The following ZBTB7C variants were observed in gnomAD, a reference collection of about 807,000 sequenced individuals.
ZBTB7C encodes the protein zinc finger and BTB domain containing 7C.
A neutral mutation model predicts 25.7 loss-of-function variants in ZBTB7C; 8 were observed. The ratio of observed to expected loss-of-function variants is 0.31; its 90% CI spans 0.18 to 0.56. ZBTB7C has a LOEUF of 0.56. ZBTB7C is among the 20% of genes least tolerant of loss of function. ZBTB7C has a pLI of 0.91. For missense variants in ZBTB7C, 824 were observed against 855.2 expected, an observed-to-expected ratio of 0.96 and a Z score of 0.46; for synonymous variants, 394 against 369.0, an observed-to-expected ratio of 1.07 and a Z score of -0.78.
chr18:48,337,099 G>T (rs2046474063), intron 2 of ZBTB7C, among the ~76,000 whole-genome samples: 2 of 152,118 alleles, frequency 1.3e-5, no homozygotes, highest in African/African-American at 4.8e-5. Flanking sequence ...TATCCTTTCT[G>T]CCTAATTTAG....
At chr18:48,082,483 G>C (rs2038028071) in intron 3 of ZBTB7C, among the ~76,000 whole-genome samples, 2 of 152,186 alleles carry the variant, frequency 1.3e-5, no homozygotes, top group South Asian at 4.1e-4. Context: ...TCAAAGCAAT[G>C]CTGGAACTGC....
chr18:48,320,822 C>T (rs2046073629), intron 2 of ZBTB7C, among the ~76,000 whole-genome samples: 1 of 152,204 alleles, frequency 6.6e-6, no homozygotes, highest in Admixed American at 6.5e-5. Flanking sequence ...ATGCTCTTTC[C>T]CAACTCCTCC....
rs80137418 is a variant in ZBTB7C at position 48,196,571 on chromosome 18, G to A, written c.-78-10576C>T. Among the ~76,000 whole-genome samples, 413 of 152,230 alleles carry A rather than the reference G, an allele frequency of 2.7e-3. 1 individual carries two copies. Among genetic ancestry groups the A allele is most frequent in the African/African-American group, 9.4e-3 (390 of 41,524 alleles). On this transcript the variant is annotated intron_variant, in intron 2 of 4. Coordinates refer to ENST00000590800, the MANE Select transcript of ZBTB7C (RefSeq NM_001318841.2). ...TAGGTTTATGTCCAATTGTGTCACC[G>A]CTGTGCACATGTCCCCATAAGAAGA... is the stretch of plus-strand genomic sequence containing the variant.
At chr18:48,223,818 T>C (rs181293648) in intron 2 of ZBTB7C, among the ~76,000 whole-genome samples, 10 of 152,364 alleles carry the variant, frequency 6.6e-5, no homozygotes, top group African/African-American at 2.2e-4. Flanking sequence ...GAGTCTGCTG[T>C]TTCCTTACCT....
At chr18:48,117,801 T>C (rs2039492021) in intron 3 of ZBTB7C, among the ~76,000 whole-genome samples, 1 of 152,124 alleles carries the variant, frequency 6.6e-6, no homozygotes, top group Non-Finnish European at 1.5e-5. Context: ...GCTCCCCAGA[T>C]AGACAGCACC....
intron 3 of ZBTB7C, among the ~76,000 whole-genome samples, chr18:48,131,944 G>A (rs1363061563): frequency 6.6e-6 from 1 of 152,176 alleles, no homozygotes; most frequent in African/African-American, 2.4e-5. Flanking sequence ...TGGTGGGAAT[G>A]TCTAATGGTA....
At chr18:48,234,160 A>G (rs114914020) in intron 2 of ZBTB7C, among the ~76,000 whole-genome samples, 2,911 of 151,810 alleles carry the variant, frequency 0.019, 36 homozygotes, top group South Asian at 0.039. Context: ...AAAAAAAACA[A>G]CCCTTCTTTC....
At chr18:48,069,715 G>C (rs560148922) in intron 3 of ZBTB7C, among the ~76,000 whole-genome samples, 1 of 151,814 alleles carries the variant, frequency 6.6e-6, no homozygotes, top group African/African-American at 2.4e-5. Flanking sequence ...CCAGGGATAT[G>C]CTCTTAACCA....
At chr18:48,301,232 G>A (rs564815250) in intron 2 of ZBTB7C, among the ~76,000 whole-genome samples, 182 of 152,270 alleles carry the variant, frequency 1.2e-3, no homozygotes, top group African/African-American at 4.2e-3. Flanking sequence ...TAATCCCAGC[G>A]CTTTGGGAGG....
At chr18:48,068,138 C>CTTTT (rs1266919637) in intron 3 of ZBTB7C, among the ~76,000 whole-genome samples, 4 of 124,988 alleles carry the variant, frequency 3.2e-5, no homozygotes, top group South Asian at 2.7e-4. Context: ...CCTTGTAAGT[C>CTTTT]TTTTTTTTTT....
In ZBTB7C at chr18:48,026,674, A is replaced by G. The variant is rs751177136; in HGVS notation, c.*2586T>C. 1.3e-5 allele frequency: 2 copies of G among 152,188 alleles called. No individual in the cohort carries two copies. Among genetic ancestry groups the G allele is most frequent in the Non-Finnish European group, 2.9e-5 (2 of 68,032 alleles). 9.4% of individuals were successfully genotyped at this position (152,188 alleles called of 1,614,324 possible). ...GGGGAATCAATCTCACCAGGTCATT[A>G]AGCAAGCATAGCTCACTTTTACTCA... is the stretch of plus-strand genomic sequence containing the variant. On this transcript the variant is annotated 3_prime_UTR_variant, in exon 5 of 5. Coordinates refer to ENST00000590800, the MANE Select transcript of ZBTB7C (RefSeq NM_001318841.2).
At chr18:48,268,353 C>T (rs2044374615) in intron 2 of ZBTB7C, among the ~76,000 whole-genome samples, 2 of 152,166 alleles carry the variant, frequency 1.3e-5, no homozygotes, top group South Asian at 4.1e-4. Flanking sequence ...AGAGAGACTT[C>T]AGCGCAGAAC....
chr18:48,038,090 G>C (rs1430264506), intron 4 of ZBTB7C, among the ~76,000 whole-genome samples: 1 of 152,188 alleles, frequency 6.6e-6, no homozygotes. Context: ...CACCCACGGT[G>C]GCATTGGGGT....
At chr18:48,043,590 G>C (rs2036348640) in intron 3 of ZBTB7C, among the ~76,000 whole-genome samples, 1 of 152,206 alleles carries the variant, frequency 6.6e-6, no homozygotes, top group African/African-American at 2.4e-5. Flanking sequence ...AGGTGGTGGT[G>C]GTGGGAGGGA....
chr18:48,162,317 G>C (rs977932605), intron 3 of ZBTB7C: 1 of 454,066 alleles, frequency 2.2e-6, no homozygotes, highest in Admixed American at 2.4e-5. Flanking sequence ...CACCTCAGAG[G>C]CAGGGCCGCA....
intron 3 of ZBTB7C, among the ~76,000 whole-genome samples, chr18:48,107,356 G>C (rs1461661736): frequency 6.6e-6 from 1 of 151,486 alleles, no homozygotes; most frequent in African/African-American, 2.4e-5. Flanking sequence ...AAAAAGCAGG[G>C]TCCAGAAGGA....
chr18:48,167,516 T>C (rs1347630293), intron 3 of ZBTB7C, among the ~76,000 whole-genome samples: 1 of 150,992 alleles, frequency 6.6e-6, no homozygotes, highest in Admixed American at 6.6e-5. Context: ...ACCTAACACT[T>C]GAGTTACCTA....
intron 3 of ZBTB7C, among the ~76,000 whole-genome samples, chr18:48,074,413 C>T (rs1039049180): frequency 6.6e-6 from 1 of 152,210 alleles, no homozygotes; most frequent in Admixed American, 6.5e-5. Flanking sequence ...ACATGAGAAG[C>T]AGGGACCTCC....
At chr18:48,055,718 T>G (rs1401020089) in intron 3 of ZBTB7C, among the ~76,000 whole-genome samples, 1 of 152,118 alleles carries the variant, frequency 6.6e-6, no homozygotes, top group Non-Finnish European at 1.5e-5. Context: ...AAAGGAAGAA[T>G]AGTTCACCTG....
Sources: gnomAD v4.1 joint callset for allele counts (sites outside exome capture counted in the v4.1 genomes callset) on GRCh38, gnomAD v4.1.1 for gene constraint, MANE v1.5 for transcripts, NCBI Gene and HGNC (gene_info 2026-07-23, HGNC 2026-07-21) for gene names.